The following FSTL5 variants were observed in gnomAD, a reference collection of about 807,000 sequenced individuals.
FSTL5 encodes follistatin like 5, also known as follistatin-related protein 5.
In FSTL5, 62 loss-of-function variants were observed where a neutral mutation model predicts 89.1. The ratio of observed to expected loss-of-function variants is 0.70; its 90% confidence interval spans 0.57 to 0.86. The LOEUF (loss-of-function observed/expected upper bound fraction) is 0.86, where lower values mean the gene tolerates loss of function less well. Ranked by LOEUF, FSTL5 falls within the 40% of genes least tolerant of loss-of-function variation. The pLI is 0.00. For synonymous variants in FSTL5, 383 were observed against 346.2 expected, an observed-to-expected ratio of 1.11 and a Z score of -1.18; for missense variants, 1,057 against 1,001.6, an observed-to-expected ratio of 1.06 and a Z score of -0.75.
intron 2 of FSTL5, among the ~76,000 whole-genome samples, chr4:162,108,043 G>T (rs1731288894): frequency 6.6e-6 from 1 of 152,062 alleles, no homozygotes; most frequent in African/African-American, 2.4e-5. Flanking sequence ...TTGGAATTTG[G>T]ATTTGGTAAT....
Position 161,461,460 on chromosome 4 carries a change from CAAAAAAAAAAAA to C in FSTL5, c.1609-2153_1609-2142del, listed in dbSNP as rs58371125. 8.5e-3 allele frequency among the ~76,000 whole-genome samples: 384 copies of C among 45,414 alleles called. 3 individuals are homozygous for C. The highest frequency in any genetic ancestry group is 0.032 in the African/African-American group (346 of 10,664). 29.8% of individuals were successfully genotyped at this position (45,414 alleles called of 152,430 possible). On this transcript the variant is annotated intron_variant, in intron 13 of 15. Coordinates refer to ENST00000306100, the MANE Select transcript of FSTL5 (RefSeq NM_020116.5). ...TGGGTGACAGAGCAAGACTCCGTCT[CAAAAAAAAAAAA>C]AAAAAAAAAAAAAAAAAAGAGGAAA...
chr4:162,061,791 A>G (rs1738726715), intron 2 of FSTL5, among the ~76,000 whole-genome samples: 1 of 152,152 alleles, frequency 6.6e-6, no homozygotes, highest in African/African-American at 2.4e-5. Context: ...GCACACAGGG[A>G]CATACATGAT....
At chr4:162,133,189 G>T (rs762395153) in intron 1 of FSTL5, among the ~76,000 whole-genome samples, 2 of 152,210 alleles carry the variant, frequency 1.3e-5, no homozygotes, top group African/African-American at 2.4e-5. Context: ...TCAGAAGGTT[G>T]TAGTGTTGAA....
At chr4:162,141,514 A>G (rs1732745250) in intron 1 of FSTL5, among the ~76,000 whole-genome samples, 1 of 152,158 alleles carries the variant, frequency 6.6e-6, no homozygotes, top group African/African-American at 2.4e-5. Flanking sequence ...TCCCAGAAGC[A>G]GATGCTAGCA....
intron 2 of FSTL5, among the ~76,000 whole-genome samples, chr4:162,067,500 A>T (rs1215229480): frequency 1.3e-5 from 2 of 152,104 alleles, no homozygotes; most frequent in Non-Finnish European, 2.9e-5. Flanking sequence ...GTATATACCC[A>T]GTAATGGGAT....
intron 6 of FSTL5, among the ~76,000 whole-genome samples, chr4:161,715,063 A>G (rs1264878977): frequency 6.6e-6 from 1 of 152,202 alleles, no homozygotes; most frequent in Non-Finnish European, 1.5e-5. Flanking sequence ...AAATAATAAT[A>G]GGAGCTACAT....
intron 1 of FSTL5, among the ~76,000 whole-genome samples, chr4:162,134,804 CCGA>C (rs1247870098): frequency 6.6e-6 from 1 of 152,154 alleles, no homozygotes. Flanking sequence ...TTTACCACCA[CCGA>C]TGTTTATAAT....
intron 4 of FSTL5, among the ~76,000 whole-genome samples, chr4:161,870,729 A>G (rs1159704659): frequency 1.3e-5 from 2 of 152,198 alleles, no homozygotes; most frequent in African/African-American, 4.8e-5. Flanking sequence ...AAGTAAGCTA[A>G]GTGTTGGATG....
chr4:161,552,013 G>T (rs973928446), intron 8 of FSTL5, among the ~76,000 whole-genome samples: 3 of 151,944 alleles, frequency 2.0e-5, no homozygotes, highest in African/African-American at 4.8e-5. Flanking sequence ...AAGAGCTTCT[G>T]CACAGCAAAA....
intron 12 of FSTL5, among the ~76,000 whole-genome samples, chr4:161,492,142 T>A: frequency 6.6e-6 from 1 of 152,176 alleles, no homozygotes; most frequent in East Asian, 1.9e-4. Flanking sequence ...ATTTCCTTTT[T>A]TGTGTCCTCA....
At chr4:162,109,089 T>A (rs997944642) in intron 2 of FSTL5, among the ~76,000 whole-genome samples, 7 of 152,072 alleles carry the variant, frequency 4.6e-5, no homozygotes, top group Non-Finnish European at 8.8e-5. Flanking sequence ...TGGTAAGGTC[T>A]CACCAATAAT....
At chr4:161,929,656 G>A (rs1325435828) in intron 3 of FSTL5, among the ~76,000 whole-genome samples, 1 of 114,786 alleles carries the variant, frequency 8.7e-6, no homozygotes, top group African/African-American at 3.3e-5. Flanking sequence ...GATGTAGGTA[G>A]GCACGTGTGT....
At chr4:161,562,977 T>C (rs908353679) in intron 8 of FSTL5, among the ~76,000 whole-genome samples, 2 of 152,042 alleles carry the variant, frequency 1.3e-5, no homozygotes, top group Non-Finnish European at 1.5e-5. Context: ...TATTGCATAA[T>C]GGTCTTCCTT....
At chr4:161,637,355 G>T (rs62328852) in intron 7 of FSTL5, among the ~76,000 whole-genome samples, 17,688 of 84,550 alleles carry the variant, frequency 0.21, 1,881 homozygotes, top group Non-Finnish European at 0.25. Context: ...TGTAGATTCT[G>T]GATATTAGCC....
At chr4:161,729,792 T>C (rs1331137673) in intron 6 of FSTL5, among the ~76,000 whole-genome samples, 1 of 152,174 alleles carries the variant, frequency 6.6e-6, no homozygotes, top group African/African-American at 2.4e-5. Flanking sequence ...TGATTAAAAC[T>C]GAACTCAATT....
chr4:161,607,943 C>A (rs1282591578), intron 7 of FSTL5, among the ~76,000 whole-genome samples: 1 of 152,042 alleles, frequency 6.6e-6, no homozygotes, highest in African/African-American at 2.4e-5. Flanking sequence ...GTTGTTGTTG[C>A]TTTTGTTACC....
At chr4:161,859,817 G>A (rs946950134) in intron 4 of FSTL5, among the ~76,000 whole-genome samples, 1 of 152,158 alleles carries the variant, frequency 6.6e-6, no homozygotes. Context: ...GCTGGAGTGT[G>A]TTGGAAGGAA....
intron 6 of FSTL5, among the ~76,000 whole-genome samples, chr4:161,673,284 C>T (rs1265661988): frequency 2.0e-5 from 3 of 151,816 alleles, no homozygotes; most frequent in South Asian, 2.1e-4. Flanking sequence ...ATTTGGGCAT[C>T]GACATTTTGT....
chr4:161,698,222 G>A (rs1337734611), intron 6 of FSTL5, among the ~76,000 whole-genome samples: 1 of 152,124 alleles, frequency 6.6e-6, no homozygotes, highest in Non-Finnish European at 1.5e-5. Flanking sequence ...CACTGAATCT[G>A]CTGGCACCTC....
Sources: allele counts gnomAD v4.1 joint callset (sites outside exome capture counted in the v4.1 genomes callset), GRCh38; gene constraint gnomAD v4.1.1; transcripts MANE v1.5; gene names NCBI Gene and HGNC (gene_info 2026-07-23, HGNC 2026-07-21).